The following HERC1 variants were observed in gnomAD, a reference collection of about 807,000 sequenced individuals.
HERC1 encodes the protein HECT and RLD domain containing E3 ubiquitin protein ligase family member 1.
HERC1 carries 160 observed loss-of-function variants against 554.3 expected under a neutral mutation model. The ratio of observed to expected loss-of-function variants is 0.29; its 90% CI spans 0.25 to 0.33. HERC1 has a LOEUF of 0.33. Ranked by LOEUF, HERC1 falls within the 10% of genes least tolerant of loss-of-function variation. The pLI is 1.00. For synonymous variants in HERC1, 2,175 were observed against 2,131.7 expected (o/e 1.02, Z -0.56); for missense variants, 4,919 against 5,918.5 (o/e 0.83, Z 5.54).
At chr15:63,616,866 T>C (rs989651991) in intron 74 of HERC1, 184 bp from the exon 75 acceptor site, 15 of 590,068 alleles carry the variant, frequency 2.5e-5, no homozygotes, top group Non-Finnish European at 3.8e-5. Flanking sequence ...TAATCACACG[T>C]TGAGTTCTCA....
chr15:63,651,435 T>G, intron 52 of HERC1, 55 bp from the exon 53 acceptor site: 5 of 1,542,312 alleles, frequency 3.2e-6, no homozygotes, highest in Non-Finnish European at 4.4e-6. Context: ...AAAAGTAAAT[T>G]AAATCCCAAA....
chr15:63,757,251 G>A (rs2075449140), intron 4 of HERC1, among the ~76,000 whole-genome samples: 1 of 128,008 alleles, frequency 7.8e-6, no homozygotes, highest in African/African-American at 2.8e-5. Context: ...AGAAATTCCA[G>A]TTTTTATTTA....
intron 21 of HERC1, 69 bp from the exon 22 acceptor site, chr15:63,716,542 C>A: frequency 7.7e-7 from 1 of 1,291,130 alleles, no homozygotes. Context: ...TTTAAAAAAC[C>A]TTTAATTTTT....
In HERC1 at chr15:63,734,455, C is replaced by A. The variant is rs964220531; in HGVS notation, c.2646+269G>T. ...CACTTGATTTCAACTCAGCATACTA[C>A]AAATAAACCACAGAGTGTCTGGCTT... On this transcript the variant is annotated intron_variant, in intron 13 of 77. Coordinates refer to ENST00000443617, the MANE Select transcript of HERC1 (RefSeq NM_003922.4). The surrounding 1 kb of genome is among the most constrained non-coding windows in gnomAD (Gnocchi z 4.6). 6.6e-6 allele frequency among the ~76,000 whole-genome samples: 1 copy of A among 152,020 alleles called. No individual in the cohort carries two copies. The highest frequency in any genetic ancestry group is 1.5e-5 in the Non-Finnish European group (1 of 67,972).
At chr15:63,803,344 A>T (rs1443554125) in intron 1 of HERC1, among the ~76,000 whole-genome samples, 1 of 152,162 alleles carries the variant, frequency 6.6e-6, no homozygotes, top group Non-Finnish European at 1.5e-5. Flanking sequence ...TTCAAACCAG[A>T]CTAGTCTGCC....
At chr15:63,822,372 G>A (rs1370639280) in intron 1 of HERC1, among the ~76,000 whole-genome samples, 2 of 152,150 alleles carry the variant, frequency 1.3e-5, no homozygotes, top group Non-Finnish European at 2.9e-5. Flanking sequence ...GATCACTTAA[G>A]GCCAGGAGTT....
chr15:63,693,290 C>T (rs2072225436), intron 30 of HERC1, among the ~76,000 whole-genome samples: 1 of 149,576 alleles, frequency 6.7e-6, no homozygotes, highest in Admixed American at 6.7e-5. Context: ...GTCATCCAGG[C>T]TAAAGTGCAG....
At chr15:63,649,379 A>C (rs547391464) in intron 54 of HERC1, among the ~76,000 whole-genome samples, 64 of 152,186 alleles carry the variant, frequency 4.2e-4, no homozygotes, top group Admixed American at 1.6e-3. Context: ...AACACACACA[A>C]AAAAAACAAT....
At chr15:63,652,653 C>A in intron 51 of HERC1, 112 bp from the exon 52 acceptor site, 1 of 880,492 alleles carries the variant, frequency 1.1e-6, no homozygotes, top group Non-Finnish European at 1.7e-6. Flanking sequence ...AGAAAAGCAT[C>A]CATTCCTTTC....
At chr15:63,747,997 A>C (rs1473203011) in intron 10 of HERC1, 139 bp from the exon 11 acceptor site, 3 of 758,152 alleles carry the variant, frequency 4.0e-6, no homozygotes, top group Non-Finnish European at 6.1e-6. Context: ...AGGCCAAGGA[A>C]TGCAGATTAC....
intron 1 of HERC1, among the ~76,000 whole-genome samples, chr15:63,828,568 A>G (rs1387402035): frequency 1.3e-5 from 2 of 151,982 alleles, no homozygotes; most frequent in African/African-American, 2.4e-5. Flanking sequence ...CAAACTCCCA[A>G]CCTCAGGTGA....
intron 46 of HERC1, 92 bp from the exon 47 acceptor site, chr15:63,660,028 C>A: frequency 1.9e-6 from 2 of 1,046,654 alleles, no homozygotes; most frequent in Admixed American, 2.0e-5. Context: ...ATCTAAAATG[C>A]AGATGAGCAG....
intron 14 of HERC1, among the ~76,000 whole-genome samples, chr15:63,730,396 C>T (rs1310565688): frequency 6.6e-6 from 1 of 151,448 alleles, no homozygotes; most frequent in Non-Finnish European, 1.5e-5. Flanking sequence ...GAGTTCGAAG[C>T]TGTAGTGAGC....
intron 64 of HERC1, 67 bp from the exon 65 acceptor site, chr15:63,636,209 C>T: frequency 7.3e-7 from 1 of 1,364,358 alleles, no homozygotes; most frequent in Non-Finnish European, 1.0e-6. Flanking sequence ...CTTGCAGCTG[C>T]TACTGAATAC....
chr15:63,613,760 C>T (rs903187752), intron 76 of HERC1, among the ~76,000 whole-genome samples: 4 of 152,006 alleles, frequency 2.6e-5, no homozygotes, highest in South Asian at 2.1e-4. Flanking sequence ...TTGAGCCCAA[C>T]AGTTCAAAGC....
chr15:63,672,582 G>T lies in HERC1; in HGVS notation c.7959C>A (p.Asp2653Glu). The stretch of plus-strand genomic sequence containing the variant: ...TGACTGGAGTGGTGGCAGTTGTGGT[G>T]TCCTCCAGAGAGCTGCTCATAAAGG... ...TTSFMSSSLE[D>E]TTTATTPVTD... The change falls in exon 39 of 78, where the codon GAC (aspartate) becomes GAA (glutamate). Residue 2653 changes from aspartate to glutamate, a missense_variant. Physicochemically the swap from Asp to Glu is conservative, Grantham distance 45 (BLOSUM62 2). Around this residue, in one of 11 missense-constraint regions of HERC1, gnomAD observed 1,963 missense variants for 2,228.6 expected, o/e 0.88. Transcript: ENST00000443617. 1 of 1,611,738 alleles carries T rather than the reference G, an allele frequency of 6.2e-7. No homozygotes were observed. The highest frequency in any genetic ancestry group is 1.3e-5 in the African/African-American group (1 of 75,016).
intron 43 of HERC1, among the ~76,000 whole-genome samples, chr15:63,663,896 T>C (rs542948460): frequency 5.2e-5 from 8 of 152,398 alleles, no homozygotes; most frequent in Non-Finnish European, 1.2e-4. Context: ...TCATTACTCA[T>C]GTTATAGTAT....
rs915646456 is a variant in HERC1 at position 63,680,986 on chromosome 15, T to C, written c.6226-210A>G. On this transcript the variant is annotated intron_variant, in intron 34 of 77. Transcript: ENST00000443617. This position sits in a 1 kb window ranked among gnomAD's most constrained non-coding sequence, Gnocchi z 5.8. Reference sequence around the variant, plus strand: ...TCTTTATCTTGCAGGGCATTTAGAATAACCTTTGAATATCTATAGTATTTA... The same window carrying C: ...TCTTTATCTTGCAGGGCATTTAGAACAACCTTTGAATATCTATAGTATTTA... Among the ~76,000 whole-genome samples, 11 of 152,216 alleles carry C rather than the reference T, an allele frequency of 7.2e-5. No homozygotes were observed. The highest frequency in any genetic ancestry group is 2.4e-4 in the African/African-American group (10 of 41,458).
intron 1 of HERC1, among the ~76,000 whole-genome samples, chr15:63,833,371 C>T (rs1349256983): frequency 2.0e-5 from 3 of 152,258 alleles, no homozygotes; most frequent in Non-Finnish European, 2.9e-5. Flanking sequence ...ACACCGGGGT[C>T]GCGGCACTCC....
Sources: gnomAD v4.1 joint callset for allele counts (sites outside exome capture counted in the v4.1 genomes callset) on GRCh38, gnomAD v4.1.1 for gene constraint, gnomAD v4.1.1 regional missense constraint, Gnocchi (gnomAD v3.1) non-coding constraint, MANE v1.5 for transcripts, NCBI Gene and HGNC (gene_info 2026-07-23, HGNC 2026-07-21) for gene names.